Variants in SYNE1 observed in about 807,000 individuals in gnomAD.
SYNE1 encodes the protein nesprin-1.
In SYNE1, 616 loss-of-function variants were observed where a neutral mutation model predicts 1,111.0. That is an observed-to-expected ratio of 0.55 (90% CI 0.52 to 0.59). SYNE1 has a LOEUF of 0.59. SYNE1 is among the 20% of genes least tolerant of loss of function. The pLI, the probability that SYNE1 is intolerant of heterozygous loss-of-function variation, is 0.00. For synonymous variants in SYNE1, 3,855 were observed against 3,825.8 expected, an observed-to-expected ratio of 1.01 and a Z score of -0.28; for missense variants, 10,006 against 10,417.0, an observed-to-expected ratio of 0.96 and a Z score of 1.72.
intron 127 of SYNE1, among the ~76,000 whole-genome samples, chr6:152,201,390 C>A (rs527301513): frequency 1.3e-5 from 2 of 151,920 alleles, no homozygotes; most frequent in African/African-American, 4.8e-5. Context: ...AGCTATTTTT[C>A]CCCCTTTCCT....
At chr6:152,513,059 T>A (rs756375494) in intron 6 of SYNE1, among the ~76,000 whole-genome samples, 1 of 152,126 alleles carries the variant, frequency 6.6e-6, no homozygotes, top group Non-Finnish European at 1.5e-5. Flanking sequence ...CTTGGACCCA[T>A]TAAACCAGAA....
At chr6:152,401,490 A>T (rs1245570591) in intron 46 of SYNE1, 149 bp from the exon 47 acceptor site, 4 of 766,308 alleles carry the variant, frequency 5.2e-6, no homozygotes, top group Non-Finnish European at 6.6e-6. Flanking sequence ...CTTTCCAAGA[A>T]GGAAAATCAG....
At chr6:152,388,245 C>T (rs1321195860) in intron 53 of SYNE1, among the ~76,000 whole-genome samples, 6 of 151,514 alleles carry the variant, frequency 4.0e-5, no homozygotes, top group African/African-American at 1.2e-4. Flanking sequence ...CTAAAAAGCA[C>T]CCCCCGCCTT....
At position 152,385,823 on chromosome 6, in the gene SYNE1, C is replaced by T. The variant is rs2097518458; in HGVS notation, c.8503G>A (p.Val2835Met). The stretch of plus-strand genomic sequence containing the variant: ...AGATGATCTTTCACAATCTCTTCCA[C>T]TTTCCTCATTTTTTCCTAGTAAACA... ...MTVAKEKMRK[V>M]EEIVKDHLMY... Residue 2835 changes from valine to methionine, a missense_variant, in exon 55 of 146, where the codon GTG becomes ATG. This residue lies in a region of SYNE1 where 4,955 missense variants were observed against 5,017.2 expected (regional missense o/e 0.99). Coordinates refer to ENST00000367255, the MANE Select transcript of SYNE1 (RefSeq NM_182961.4). The T allele has an allele frequency of 1.2e-6, 2 of 1,613,932 alleles. No individual in the cohort carries two copies. The highest frequency in any genetic ancestry group is 2.7e-5 in the African/African-American group (2 of 74,926).
chr6:152,232,827 C>G (rs372426311), intron 112 of SYNE1, among the ~76,000 whole-genome samples: 1 of 152,268 alleles, frequency 6.6e-6, no homozygotes, highest in African/African-American at 2.4e-5. Flanking sequence ...ATGTGTATTA[C>G]GATGATTTGG....
At chr6:152,193,657 T>C (rs554572090) in intron 127 of SYNE1, among the ~76,000 whole-genome samples, 1 of 152,284 alleles carries the variant, frequency 6.6e-6, no homozygotes, top group South Asian at 2.1e-4. Context: ...CTTGTCTATA[T>C]ATTGAAAAGT....
rs998570131 is a variant in SYNE1 at position 152,502,572 on chromosome 6, C to A, written c.888+61G>T. On this transcript the variant is annotated intron_variant, in intron 10 of 145. Coordinates refer to ENST00000367255, the MANE Select transcript of SYNE1 (RefSeq NM_182961.4). ...TTTAATTTTTTGAGAACAGTATACT[C>A]AAAAAGCTGAGTCACTGTCATTGCA... 52 of 1,318,448 alleles carry A rather than the reference C, an allele frequency of 3.9e-5. 2 individuals are homozygous for A. Among genetic ancestry groups the A allele is most frequent in the East Asian group, 1.6e-4 (7 of 43,290 alleles). 81.7% of individuals were successfully genotyped at this position (1,318,448 alleles called of 1,614,324 possible). A position where few individuals can be genotyped will look rare whatever the true frequency, so the allele number is the denominator to read the frequency against.
intron 34 of SYNE1, among the ~76,000 whole-genome samples, chr6:152,433,152 G>A (rs1432252658): frequency 6.6e-6 from 1 of 150,992 alleles, no homozygotes; most frequent in Admixed American, 6.6e-5. Context: ...GTATAAAATT[G>A]TATAAAAGAA....
intron 130 of SYNE1, among the ~76,000 whole-genome samples, chr6:152,164,807 T>C (rs1451405238): frequency 6.6e-6 from 1 of 152,234 alleles, no homozygotes; most frequent in Non-Finnish European, 1.5e-5. Flanking sequence ...ACCTTTAGAC[T>C]ATGAGTCTCG....
chr6:152,370,014 CA>C (rs1030185239), intron 59 of SYNE1, among the ~76,000 whole-genome samples: 6 of 118,566 alleles, frequency 5.1e-5, no homozygotes, highest in Admixed American at 8.3e-5. Context: ...AAAAATTCCA[CA>C]AAAAAAAAAC....
chr6:152,480,395 C>T (rs2098882617), intron 14 of SYNE1, among the ~76,000 whole-genome samples: 1 of 152,104 alleles, frequency 6.6e-6, no homozygotes, highest in Non-Finnish European at 1.5e-5. Context: ...GTGGTGGATG[C>T]CTGAAATCCC....
At chr6:152,583,115 T>C (rs1163856737) in intron 3 of SYNE1, among the ~76,000 whole-genome samples, 7 of 152,304 alleles carry the variant, frequency 4.6e-5, no homozygotes, top group African/African-American at 1.7e-4. Flanking sequence ...TACTGAGTAA[T>C]ATAAAAGTTA....
At chr6:152,466,841 C>A (rs1160667140) in intron 16 of SYNE1, among the ~76,000 whole-genome samples, 1 of 152,114 alleles carries the variant, frequency 6.6e-6, no homozygotes, top group South Asian at 2.1e-4. Context: ...GAACATATCA[C>A]CAAAGGCTCT....
At chr6:152,411,257 T>A (rs2098032611) in intron 42 of SYNE1, among the ~76,000 whole-genome samples, 1 of 152,226 alleles carries the variant, frequency 6.6e-6, no homozygotes, top group Non-Finnish European at 1.5e-5. Flanking sequence ...TGTGTTCCAC[T>A]CGTTTATATG....
chr6:152,268,746 T>G (rs1043257828), intron 99 of SYNE1, among the ~76,000 whole-genome samples: 5 of 152,170 alleles, frequency 3.3e-5, no homozygotes, highest in Non-Finnish European at 5.9e-5. Context: ...GACATCTACT[T>G]GAAAGTAAAA....
intron 59 of SYNE1, among the ~76,000 whole-genome samples, chr6:152,371,709 T>C (rs536793664): frequency 0.012 from 217 of 17,870 alleles, 1 homozygote; most frequent in African/African-American, 0.039. Context: ...GGGGAAGGGG[T>C]TGGGGAAGGG....
chr6:152,600,292 C>T (rs1284800330), intron 3 of SYNE1, among the ~76,000 whole-genome samples: 1 of 152,160 alleles, frequency 6.6e-6, no homozygotes, highest in Non-Finnish European at 1.5e-5. Flanking sequence ...ACAGATCTCA[C>T]CTATGCATGG....
chr6:152,173,532 T>C (rs973403296), intron 130 of SYNE1, among the ~76,000 whole-genome samples: 1 of 152,200 alleles, frequency 6.6e-6, no homozygotes, highest in Non-Finnish European at 1.5e-5. Flanking sequence ...AGTTCACAGT[T>C]GAGGATGGGT....
Position 152,442,145 on chromosome 6 carries a change from T to A in SYNE1, c.3938A>T (p.Glu1313Val), listed in dbSNP as rs757850469. 21 of 1,612,816 alleles carry A rather than the reference T, an allele frequency of 1.3e-5. No individual in the cohort carries two copies. Among genetic ancestry groups the A allele is most frequent in the Middle Eastern group, 1.7e-4 (1 of 6,060 alleles). ...CAGTGTGCTCTCCAGCTTCCGCAGC[T>A]CCTCGTGGCCTCGGTCAGGCAGCCC... ...EGGLPDRGHEELRKLESTLDG... is the reference protein window; with the variant it reads ...EGGLPDRGHEVLRKLESTLDG... Residue 1313 changes from glutamate (E) to valine (V), a missense_variant, in exon 31 of 146, where the codon GAG becomes GTG. By Grantham distance (121) the Glu-to-Val change is moderately radical (BLOSUM62 -2). Around this residue, in one of 7 missense-constraint regions of SYNE1, gnomAD observed 1,971 missense variants for 2,084.1 expected, o/e 0.95. Transcript: ENST00000367255.
Sources: gnomAD v4.1 joint callset for allele counts (sites outside exome capture counted in the v4.1 genomes callset) on GRCh38, gnomAD v4.1.1 for gene constraint, gnomAD v4.1.1 regional missense constraint, MANE v1.5 for transcripts, NCBI Gene and HGNC (gene_info 2026-07-23, HGNC 2026-07-21) for gene names.